The following AACS variants were observed in gnomAD, a reference collection of about 807,000 sequenced individuals.
AACS encodes acetoacetyl-CoA synthetase.
In AACS, 69 loss-of-function variants were observed where a neutral mutation model predicts 83.1. That is an observed-to-expected ratio of 0.83 (90% CI 0.68 to 1.01). AACS has a LOEUF of 1.01. Among genes scored for constraint, AACS ranks in the 50% least tolerant of loss-of-function variants. The pLI, the probability that AACS is intolerant of heterozygous loss-of-function variation, is 0.00. For missense variants in AACS, 866 were observed against 882.2 expected (o/e 0.98, Z 0.23); for synonymous variants, 333 against 343.4 (o/e 0.97, Z 0.33).
Position 125,102,802 on chromosome 12 carries a change from C to T in AACS, c.685+9C>T, listed in dbSNP as rs1221995003. On this transcript the variant is annotated intron_variant, in intron 6 of 17. Coordinates refer to ENST00000316519, the MANE Select transcript of AACS (RefSeq NM_023928.5). ...GCAGCAGGTGGTTAAAGGTGTGTGG[C>T]CCTTCCGGCTCCCAGCCGGCATGGC... The T allele has an allele frequency of 6.2e-7, 1 of 1,612,568 alleles. No homozygotes were observed. Among genetic ancestry groups the T allele is most frequent in the Non-Finnish European group, 8.5e-7 (1 of 1,178,600 alleles).
At chr12:125,093,040 G>A (rs60030183) in intron 5 of AACS, among the ~76,000 whole-genome samples, 5,249 of 152,334 alleles carry the variant, frequency 0.034, 184 homozygotes, top group East Asian at 0.094. Flanking sequence ...CAGTGTTAGT[G>A]CAACTGCACA....
intron 17 of AACS, among the ~76,000 whole-genome samples, chr12:125,137,171 A>G (rs773197237): frequency 1.3e-5 from 2 of 152,216 alleles, no homozygotes; most frequent in Non-Finnish European, 2.9e-5. Context: ...ATTAATTTTA[A>G]CTTTTTATTT....
At chr12:125,102,606 A>G in intron 5 of AACS, 73 bp from the exon 6 acceptor site, 1 of 1,292,810 alleles carries the variant, frequency 7.7e-7, no homozygotes, top group Non-Finnish European at 1.1e-6. Flanking sequence ...CTGGGACTAC[A>G]GGCACCCACC....
At position 125,124,909 on chromosome 12, in the gene AACS, C is replaced by T. The variant is rs143549910; in HGVS notation, c.1194C>T (p.Thr398=). 8.3e-5 allele frequency: 134 copies of T among 1,614,182 alleles called. No homozygotes were observed. In the African/African-American group the frequency reaches 1.5e-3, roughly 18 times the overall value. Reference sequence around the variant, plus strand: ...GGTGACTCTGCACCCCAGTGGAAACCCACAGTCTCCAGATGCTCCACACGA... The same window carrying T: ...GGTGACTCTGCACCCCAGTGGAAACTCACAGTCTCCAGATGCTCCACACGA... The part of the protein sequence containing the change: ...LEEKAMKPVE[T]HSLQMLHTIL... Residue 398 remains threonine, a synonymous_variant, in exon 12 of 18, where the codon ACC becomes ACT. Transcript: ENST00000316519.
intron 9 of AACS, among the ~76,000 whole-genome samples, chr12:125,115,218 C>T (rs1329989880): frequency 6.6e-6 from 1 of 151,390 alleles, no homozygotes; most frequent in African/African-American, 2.4e-5. Flanking sequence ...AGAGCTTCCA[C>T]AGTGATCTAG....
chr12:125,095,933 C>G (rs1289031467), intron 5 of AACS, among the ~76,000 whole-genome samples: 1 of 152,216 alleles, frequency 6.6e-6, no homozygotes, highest in East Asian at 1.9e-4. Flanking sequence ...TCACCCCGTT[C>G]CTGCCTTATC....
chr12:125,095,829 GCA>G (rs1956594218), intron 5 of AACS, among the ~76,000 whole-genome samples: 1 of 152,222 alleles, frequency 6.6e-6, no homozygotes, highest in Admixed American at 6.5e-5. Flanking sequence ...AGTGGAGCCA[GCA>G]CAGTGGTGAG....
At chr12:125,072,062 G>T (rs1420126239) in intron 1 of AACS, among the ~76,000 whole-genome samples, 19 of 151,952 alleles carry the variant, frequency 1.3e-4, no homozygotes, top group Admixed American at 1.2e-3. Context: ...TCACCATGTT[G>T]GTCAGGCTGG....
rs1957468922 is a variant in AACS, at chr12:125,140,473, T to C, written c.1882-1619T>C. 1 of 152,130 alleles carries C rather than the reference T, an allele frequency of 6.6e-6. No homozygotes were observed. The highest frequency in any genetic ancestry group is 2.4e-5 in the African/African-American group (1 of 41,400). 9.4% of individuals were successfully genotyped at this position (152,130 alleles called of 1,614,324 possible). On this transcript the variant is annotated intron_variant, in intron 17 of 17. Coordinates refer to ENST00000316519, the MANE Select transcript of AACS (RefSeq NM_023928.5). The surrounding 1 kb of genome is among the most constrained non-coding windows in gnomAD (Gnocchi z 5.1). ...GCAGGGCACAGAGCAGGCGAGACGT[T>C]TGCATCTCACAGCGGGAGGGCCGGC...
intron 5 of AACS, among the ~76,000 whole-genome samples, chr12:125,100,392 G>T (rs1403863638): frequency 6.6e-6 from 1 of 152,154 alleles, no homozygotes; most frequent in African/African-American, 2.4e-5. Flanking sequence ...GTAGTTTACT[G>T]AAAACATTGG....
intron 16 of AACS, chr12:125,135,906 C>T (rs1187986295): frequency 6.6e-6 from 1 of 152,176 alleles, no homozygotes; most frequent in Non-Finnish European, 1.5e-5. Flanking sequence ...CCACCATGCC[C>T]AGCTAATTTT....
chr12:125,093,763 G>A (rs1281937871), intron 5 of AACS, among the ~76,000 whole-genome samples: 1 of 152,220 alleles, frequency 6.6e-6, no homozygotes, highest in Non-Finnish European at 1.5e-5. Flanking sequence ...TCTCTCTGTC[G>A]CTCATTTTGC....
intron 1 of AACS, among the ~76,000 whole-genome samples, chr12:125,067,932 G>A (rs1456704792): frequency 3.9e-5 from 6 of 152,208 alleles, no homozygotes; most frequent in Admixed American, 3.9e-4. Context: ...TCTGTAAAAT[G>A]GGCATAACAG....
chr12:125,106,304 G>C (rs947752177), intron 7 of AACS, among the ~76,000 whole-genome samples: 6 of 152,212 alleles, frequency 3.9e-5, no homozygotes, highest in African/African-American at 1.4e-4. Context: ...TTCTGCGGCT[G>C]TTTCTAGTGC....
intron 10 of AACS, chr12:125,123,260 T>C (rs1957184725): frequency 6.6e-6 from 1 of 152,310 alleles, no homozygotes; most frequent in African/African-American, 2.4e-5. Context: ...TCACTGCTGC[T>C]CAGGGCCGGG....
Position 125,125,016 on chromosome 12 carries a change from C to T in AACS, c.1301C>T (p.Ser434Phe). ...ATCAAGAGCAGCATCCTCCTGGGCT[C>T]CATCTCAGGTATGGCCCCGGTGGGG... is the stretch of plus-strand genomic sequence containing the variant. The part of the protein sequence containing the change: ...RCIKSSILLG[S>F]ISGGTDIISC... The change falls in exon 12 of 18, where the codon TCC becomes TTC. Residue 434 changes from serine to phenylalanine, a missense_variant. Ser to Phe is a radical substitution (Grantham distance 155). Coordinates refer to ENST00000316519, the MANE Select transcript of AACS (RefSeq NM_023928.5). 1 of 1,614,188 alleles carries T rather than the reference C, an allele frequency of 6.2e-7. No homozygotes were observed.
chr12:125,080,733 C>G (rs925248599), intron 3 of AACS, among the ~76,000 whole-genome samples: 1 of 151,996 alleles, frequency 6.6e-6, no homozygotes, highest in African/African-American at 2.4e-5. Flanking sequence ...GCTCTGTCCC[C>G]CAGGCTGGAG....
chr12:125,109,612 C>T (rs772937142), intron 8 of AACS, among the ~76,000 whole-genome samples: 9 of 152,136 alleles, frequency 5.9e-5, no homozygotes, highest in African/African-American at 1.2e-4. Flanking sequence ...GTGTGTAGCG[C>T]GCTCATCAAA....
chr12:125,101,565 ATCT>A (rs1956708565), intron 5 of AACS: 1 of 152,104 alleles, frequency 6.6e-6, no homozygotes, highest in Non-Finnish European at 1.5e-5. Flanking sequence ...TGGAAGATGA[ATCT>A]TCTTTTGTAT....
Sources: gnomAD v4.1 joint callset for allele counts (sites outside exome capture counted in the v4.1 genomes callset) on GRCh38, gnomAD v4.1.1 for gene constraint, Gnocchi (gnomAD v3.1) non-coding constraint, MANE v1.5 for transcripts, NCBI Gene and HGNC (gene_info 2026-07-23, HGNC 2026-07-21) for gene names.